Variants in ARB2A observed in about 807,000 individuals in gnomAD.
The protein encoded by ARB2A is ARB2 cotranscriptional regulator A, also known as cotranscriptional regulator ARB2A.
the ARB2A span, among the ~76,000 whole-genome samples, chr5:94,029,466 T>G: frequency 6.6e-6 from 1 of 152,248 alleles, no homozygotes; most frequent in Non-Finnish European, 1.5e-5. Context: ...TGATGTTATT[T>G]AACTTTTCAT....
At chr5:93,784,283 A>G in the ARB2A span, 1 of 732,838 alleles carries the variant, frequency 1.4e-6, no homozygotes, top group Non-Finnish European at 2.4e-6. Context: ...CTGCCTCTAG[A>G]AAGGGAGTTT....
the ARB2A span, among the ~76,000 whole-genome samples, chr5:93,993,865 A>G: frequency 6.6e-6 from 1 of 151,424 alleles, no homozygotes; most frequent in African/African-American, 2.4e-5. Flanking sequence ...AAGATTCAAA[A>G]ATAGAAAATC....
the ARB2A span, among the ~76,000 whole-genome samples, chr5:93,813,758 T>C: frequency 6.6e-6 from 1 of 152,156 alleles, no homozygotes; most frequent in South Asian, 2.1e-4. Flanking sequence ...AACAAATGTT[T>C]GTTGTATAAG....
At chr5:93,823,226 T>C in the ARB2A span, among the ~76,000 whole-genome samples, 9 of 152,200 alleles carry the variant, frequency 5.9e-5, no homozygotes, top group East Asian at 9.6e-4. Flanking sequence ...ATTATTAGAA[T>C]TGATTATATC....
the ARB2A span, among the ~76,000 whole-genome samples, chr5:93,764,893 C>T: frequency 1.9e-3 from 284 of 152,214 alleles, no homozygotes; most frequent in African/African-American, 5.6e-3. Context: ...GTTCAACATA[C>T]GTAAATCAAT....
At chr5:93,936,313 A>C in the ARB2A span, among the ~76,000 whole-genome samples, 2 of 152,296 alleles carry the variant, frequency 1.3e-5, no homozygotes, top group East Asian at 1.9e-4. Flanking sequence ...TGATTACTAG[A>C]ATACAGAGTG....
chr5:93,934,643 C>A, the ARB2A span, among the ~76,000 whole-genome samples: 1 of 152,134 alleles, frequency 6.6e-6, no homozygotes, highest in Admixed American at 6.5e-5. Context: ...TTTCTTCACT[C>A]TTAAGAGACA....
chr5:93,916,830 C>T, the ARB2A span, among the ~76,000 whole-genome samples: 4 of 152,046 alleles, frequency 2.6e-5, no homozygotes, highest in Admixed American at 6.6e-5. Context: ...CTTCACTTTT[C>T]GAAATATTCA....
At chr5:94,096,574 C>CT in the ARB2A span, among the ~76,000 whole-genome samples, 3 of 152,174 alleles carry the variant, frequency 2.0e-5, no homozygotes, top group Admixed American at 2.0e-4. Flanking sequence ...GGGCCCAAAT[C>CT]CACAGTCTTA....
the ARB2A span, among the ~76,000 whole-genome samples, chr5:93,772,646 C>T: frequency 1.3e-5 from 2 of 152,152 alleles, no homozygotes; most frequent in African/African-American, 4.8e-5. Context: ...CACAAGACTA[C>T]AATCAAGGTG....
the ARB2A span, among the ~76,000 whole-genome samples, chr5:93,996,728 G>A: frequency 6.6e-6 from 1 of 151,958 alleles, no homozygotes; most frequent in African/African-American, 2.4e-5. Context: ...CCTTGAAAAT[G>A]TTCCTCATTT....
At chr5:94,066,168 C>CA in the ARB2A span, among the ~76,000 whole-genome samples, 1 of 151,810 alleles carries the variant, frequency 6.6e-6, no homozygotes, top group African/African-American at 2.4e-5. Context: ...ACACGACATA[C>CA]CAAAACCTAC....
chr5:93,917,953 A>C, the ARB2A span, among the ~76,000 whole-genome samples: 1 of 152,042 alleles, frequency 6.6e-6, no homozygotes, highest in Admixed American at 6.6e-5. Flanking sequence ...ACCAGCCCCA[A>C]AATGTGGTTG....
chr5:94,077,071 A>G, the ARB2A span, among the ~76,000 whole-genome samples: 1 of 152,140 alleles, frequency 6.6e-6, no homozygotes, highest in African/African-American at 2.4e-5. Flanking sequence ...TGGAGTAATA[A>G]CATATAAGTT....
At chr5:93,870,023 G>C in the ARB2A span, among the ~76,000 whole-genome samples, 8 of 152,188 alleles carry the variant, frequency 5.3e-5, no homozygotes, top group Non-Finnish European at 1.0e-4. Flanking sequence ...CAGACATCTG[G>C]GCTCTTTCAG....
At chr5:93,738,006 AG>A in the ARB2A span, 2 of 415,416 alleles carry the variant, frequency 4.8e-6, no homozygotes, top group South Asian at 3.6e-5. Context: ...CTGCATCAAA[AG>A]ATACAGTCAA....
At chr5:93,704,067 T>G in the ARB2A span, among the ~76,000 whole-genome samples, 5 of 147,296 alleles carry the variant, frequency 3.4e-5, no homozygotes, top group Admixed American at 1.3e-4. Flanking sequence ...TCATACTGCA[T>G]GATGACTCAA....
the ARB2A span, among the ~76,000 whole-genome samples, chr5:94,085,197 C>T: frequency 5.3e-5 from 8 of 152,202 alleles, no homozygotes; most frequent in African/African-American, 1.9e-4. Flanking sequence ...TAAAAATGTT[C>T]ACGAAATGTT....
chr5:94,053,281 A>C, the ARB2A span: 36 of 963,834 alleles, frequency 3.7e-5, no homozygotes, highest in Non-Finnish European at 5.2e-5. Context: ...AGTTTGTAAC[A>C]AAGATTTTAA....
Sources: gnomAD v4.1 joint callset for allele counts (sites outside exome capture counted in the v4.1 genomes callset) on GRCh38, gnomAD v4.1.1 for gene constraint, MANE v1.5 for transcripts, NCBI Gene and HGNC (gene_info 2026-07-23, HGNC 2026-07-21) for gene names.